Variants in KAT6B observed in about 807,000 individuals in gnomAD.
The protein encoded by KAT6B is lysine acetyltransferase 6B.
KAT6B carries 10 observed loss-of-function variants against 187.5 expected under a neutral mutation model. That is an observed-to-expected ratio of 0.05 (90% CI 0.03 to 0.09). KAT6B has a LOEUF of 0.09. KAT6B is among the 10% of genes least tolerant of loss of function. The probability of loss-of-function intolerance (pLI) is 1.00; values close to 1 mark genes in which losing one functional copy is unlikely to be tolerated. For synonymous variants in KAT6B, 861 were observed against 926.8 expected, an observed-to-expected ratio of 0.93 and a Z score of 1.29; for missense variants, 1,952 against 2,558.9, an observed-to-expected ratio of 0.76 and a Z score of 5.12.
chr10:74,942,129 G>A (rs1313122574), intron 3 of KAT6B, among the ~76,000 whole-genome samples: 1 of 152,026 alleles, frequency 6.6e-6, no homozygotes, highest in Non-Finnish European at 1.5e-5. Context: ...TGGCCTCGGC[G>A]ACAGAGTGAG....
intron 3 of KAT6B, among the ~76,000 whole-genome samples, chr10:74,849,453 C>A (rs187008191): frequency 6.6e-6 from 1 of 151,252 alleles, no homozygotes; most frequent in Non-Finnish European, 1.5e-5. Flanking sequence ...CCACCAAGCC[C>A]GGCTAATTTT....
intron 13 of KAT6B, among the ~76,000 whole-genome samples, chr10:75,012,836 G>C (rs760188997): frequency 6.6e-6 from 1 of 152,146 alleles, no homozygotes; most frequent in Non-Finnish European, 1.5e-5. Context: ...ACACGGCATC[G>C]GGGAGTCACA....
intron 3 of KAT6B, among the ~76,000 whole-genome samples, chr10:74,949,300 G>T (rs868258275): frequency 7.2e-5 from 11 of 152,164 alleles, no homozygotes; most frequent in African/African-American, 2.7e-4. Flanking sequence ...AGAAGTGGAG[G>T]AGAGAAGTCC....
At chr10:74,866,643 C>T (rs1378198689) in intron 3 of KAT6B, among the ~76,000 whole-genome samples, 1 of 152,070 alleles carries the variant, frequency 6.6e-6, no homozygotes, top group East Asian at 1.9e-4. Context: ...CATTCCTTGC[C>T]ATAAATAGAA....
chr10:74,950,371 T>C (rs907938949), intron 3 of KAT6B, among the ~76,000 whole-genome samples: 2 of 152,156 alleles, frequency 1.3e-5, no homozygotes, highest in African/African-American at 4.8e-5. Context: ...GGCATGAACC[T>C]CCCTGCAGAG....
chr10:74,966,521 G>A (rs1841482462), intron 4 of KAT6B, among the ~76,000 whole-genome samples: 1 of 152,096 alleles, frequency 6.6e-6, no homozygotes, highest in South Asian at 2.1e-4. Context: ...AGTTCCATTG[G>A]TACTTGTTTA....
At position 74,985,163 on chromosome 10, in the gene KAT6B, T is replaced by C; in HGVS notation, c.2457T>C (p.Tyr819=). The change falls in exon 12 of 18, where the codon TAT becomes TAC. Residue 819 remains tyrosine (Y), a synonymous_variant. Transcript: ENST00000287239. ...KLFLDHKTLY[Y]DVEPFLFYVL... is the part of the protein sequence containing the mutation. ...TCCTGGACCACAAAACGTTGTATTA[T>C]GATGTCGAGCCATTCCTTTTTTATG... The C allele has an allele frequency of 1.2e-6, 2 of 1,614,170 alleles. No homozygotes were observed. Among genetic ancestry groups the C allele is most frequent in the Non-Finnish European group, 1.7e-6 (2 of 1,180,008 alleles).
At position 74,977,367 on chromosome 10, in the gene KAT6B, T is replaced by C; in HGVS notation, c.2045T>C (p.Ile682Thr). Residue 682 changes from isoleucine (I) to threonine (T), a missense_variant, in exon 9 of 18, where the codon ATT (isoleucine) becomes ACT (threonine). By Grantham distance (89) the Ile-to-Thr change is moderately conservative. Coordinates refer to ENST00000287239, the MANE Select transcript of KAT6B (RefSeq NM_012330.4). ...CAAGAAAGTGCAGATGTAAATGTGATTGGAAACAAGGATGTCGTTACTGAA... is the reference window on the plus strand; with the variant it reads ...CAAGAAAGTGCAGATGTAAATGTGACTGGAAACAAGGATGTCGTTACTGAA... Reference protein sequence around the residue: ...IKQESADVNVIGNKDVVTEED... With the variant: ...IKQESADVNVTGNKDVVTEED... The C allele has an allele frequency of 6.2e-7, 1 of 1,613,870 alleles. No individual in the cohort carries two copies. The highest frequency in any genetic ancestry group is 1.3e-5 in the African/African-American group (1 of 75,042).
At chr10:74,908,292 G>GT (rs1846924341) in intron 3 of KAT6B, among the ~76,000 whole-genome samples, 1 of 152,206 alleles carries the variant, frequency 6.6e-6, no homozygotes, top group African/African-American at 2.4e-5. Context: ...GCCAGGCACA[G>GT]TGGCTCATGC....
chr10:75,019,344 G>A (rs968677237), intron 13 of KAT6B, among the ~76,000 whole-genome samples: 1 of 152,156 alleles, frequency 6.6e-6, no homozygotes, highest in Admixed American at 6.5e-5. Flanking sequence ...TATACCCTTC[G>A]AGGGTTCAGG....
intron 3 of KAT6B, among the ~76,000 whole-genome samples, chr10:74,911,701 T>G (rs1847213527): frequency 6.6e-6 from 1 of 152,230 alleles, no homozygotes; most frequent in Non-Finnish European, 1.5e-5. Context: ...TTTGAGATTT[T>G]TATATCTATG....
chr10:74,881,430 G>T (rs1220544597), intron 3 of KAT6B, among the ~76,000 whole-genome samples: 1 of 152,102 alleles, frequency 6.6e-6, no homozygotes, highest in Admixed American at 6.6e-5. Flanking sequence ...ACATCACTCA[G>T]TAGTGGTGAT....
chr10:75,014,781 A>C (rs370461889), intron 13 of KAT6B, among the ~76,000 whole-genome samples: 4 of 152,236 alleles, frequency 2.6e-5, no homozygotes, highest in East Asian at 1.9e-4. Flanking sequence ...GAGGTGTAGA[A>C]CATCTGCACG....
In KAT6B at chr10:74,965,882, C is replaced by T. The variant is rs190607054; in HGVS notation, c.731-3778C>T. On this transcript the variant is annotated intron_variant, in intron 4 of 17. Coordinates refer to ENST00000287239, the MANE Select transcript of KAT6B (RefSeq NM_012330.4). ...CTGGGACTACAGGCGCCCGCCACCACGCCCGGCCAATTTTCTGTATTTTTT... is the reference window on the plus strand; with the variant it reads ...CTGGGACTACAGGCGCCCGCCACCATGCCCGGCCAATTTTCTGTATTTTTT... Among the ~76,000 whole-genome samples, 618 of 151,180 alleles carry T rather than the reference C, an allele frequency of 4.1e-3. 5 individuals carry two copies. The highest frequency in any genetic ancestry group is 0.013 in the African/African-American group (513 of 40,954).
intron 1 of KAT6B, among the ~76,000 whole-genome samples, chr10:74,828,318 T>A (rs149633077): frequency 1.3e-5 from 2 of 152,204 alleles, no homozygotes; most frequent in East Asian, 3.9e-4. Flanking sequence ...CAAGTATGTT[T>A]GGGGTTGGAG....
intron 3 of KAT6B, among the ~76,000 whole-genome samples, chr10:74,918,181 T>G (rs541440513): frequency 1.3e-5 from 2 of 152,356 alleles, no homozygotes; most frequent in East Asian, 3.9e-4. Context: ...TAAATTCTGT[T>G]AATAAAGAAT....
At chr10:74,999,443 G>A (rs1843677915) in intron 13 of KAT6B, among the ~76,000 whole-genome samples, 1 of 152,206 alleles carries the variant, frequency 6.6e-6, no homozygotes, top group South Asian at 2.1e-4. Context: ...GAAGTGTATA[G>A]GGAAACAGGG....
intron 3 of KAT6B, among the ~76,000 whole-genome samples, chr10:74,887,564 A>T (rs2132599116): frequency 6.6e-6 from 1 of 151,940 alleles, no homozygotes; most frequent in Admixed American, 6.6e-5. Context: ...ACCTCAGGTG[A>T]TCCACCTGCC....
chr10:74,908,622 T>C (rs1185651817), intron 3 of KAT6B, among the ~76,000 whole-genome samples: 1 of 152,108 alleles, frequency 6.6e-6, no homozygotes, highest in African/African-American at 2.4e-5. Context: ...GGCATTCTGT[T>C]ATAAGCAATA....
Sources: allele counts gnomAD v4.1 joint callset (sites outside exome capture counted in the v4.1 genomes callset), GRCh38; gene constraint gnomAD v4.1.1; transcripts MANE v1.5; gene names NCBI Gene and HGNC (gene_info 2026-07-23, HGNC 2026-07-21).